Variants in SNX29 observed in about 807,000 individuals in gnomAD.
SNX29 encodes sorting nexin-29.
A neutral mutation model predicts 102.1 loss-of-function variants in SNX29; 78 were observed. The observed-to-expected ratio is 0.76, with a 90% CI of 0.64 to 0.92. The LOEUF is 0.92. Ranked by LOEUF, SNX29 falls within the 40% of genes least tolerant of loss-of-function variation. The pLI, the probability that SNX29 is intolerant of heterozygous loss-of-function variation, is 0.00. For synonymous variants in SNX29, 580 were observed against 414.5 expected (o/e 1.40, Z -4.85); for missense variants, 1,280 against 1,061.7 (o/e 1.21, Z -2.86).
chr16:12,522,001 C>T (rs529945812), intron 19 of SNX29, among the ~76,000 whole-genome samples: 3 of 152,284 alleles, frequency 2.0e-5, no homozygotes, highest in Admixed American at 6.5e-5. Flanking sequence ...CCACCGAGGC[C>T]GCTCATCGGA....
In SNX29 at chr16:12,570,168, C is replaced by T. The variant is rs1168187957; in HGVS notation, c.*1539C>T. On this transcript the variant is annotated 3_prime_UTR_variant, in exon 21 of 21. Coordinates refer to ENST00000566228, the MANE Select transcript of SNX29 (RefSeq NM_032167.5). ...TCACTCACACACAGCGCCCCCCCACCCCAGAGAAACCGAGTCAGCCTACAT... is the reference window on the plus strand; with the variant it reads ...TCACTCACACACAGCGCCCCCCCACTCCAGAGAAACCGAGTCAGCCTACAT... 1.9e-6 allele frequency: 2 copies of T among 1,065,330 alleles called. No homozygotes were observed. The highest frequency in any genetic ancestry group is 2.3e-6 in the Non-Finnish European group (2 of 879,198). The allele number at this position is 1,065,330 out of a possible 1,614,324, so 66.0% of individuals were successfully genotyped here.
At chr16:12,158,240 C>T (rs2141644210) in intron 13 of SNX29, among the ~76,000 whole-genome samples, 1 of 152,208 alleles carries the variant, frequency 6.6e-6, no homozygotes, top group East Asian at 1.9e-4. Flanking sequence ...CGCTCTGGCA[C>T]CCAGGCTGGA....
chr16:12,375,757 G>A (rs2082848486), intron 16 of SNX29: 1 of 152,226 alleles, frequency 6.6e-6, no homozygotes, highest in African/African-American at 2.4e-5. Context: ...TTCTGGCCGG[G>A]AGCAGTGGCT....
intron 19 of SNX29, among the ~76,000 whole-genome samples, chr16:12,516,582 C>A (rs1240762467): frequency 6.6e-6 from 1 of 151,980 alleles, no homozygotes; most frequent in Admixed American, 6.6e-5. Flanking sequence ...AATTCTCTAG[C>A]CAGTGACAAG....
At chr16:12,086,375 A>T (rs546473061) in intron 11 of SNX29, among the ~76,000 whole-genome samples, 2 of 152,262 alleles carry the variant, frequency 1.3e-5, no homozygotes, top group African/African-American at 4.8e-5. Context: ...GCAGCAGTGG[A>T]CTAGTCATAT....
intron 20 of SNX29, among the ~76,000 whole-genome samples, chr16:12,559,691 C>T (rs531977425): frequency 9.9e-5 from 15 of 152,194 alleles, no homozygotes; most frequent in South Asian, 2.1e-4. Flanking sequence ...AGTAACTTCT[C>T]GAGCTTCCCA....
chr16:12,553,885 C>G (rs1031675578), intron 20 of SNX29, among the ~76,000 whole-genome samples: 6 of 152,002 alleles, frequency 3.9e-5, no homozygotes, highest in Admixed American at 1.3e-4. Flanking sequence ...ACTCTTTTGC[C>G]TAGGCTGGAG....
intron 20 of SNX29, among the ~76,000 whole-genome samples, chr16:12,530,036 C>A: frequency 6.6e-6 from 1 of 152,202 alleles, no homozygotes; most frequent in South Asian, 2.1e-4. Flanking sequence ...ATGTGACTTT[C>A]CATGGGCAAG....
chr16:12,093,589 G>C (rs2052648816), intron 11 of SNX29: 1 of 152,244 alleles, frequency 6.6e-6, no homozygotes. Flanking sequence ...CTGGGTGACA[G>C]AGTGAGACCG....
chr16:12,433,058 T>G (rs1190441525), intron 18 of SNX29, among the ~76,000 whole-genome samples: 1 of 152,132 alleles, frequency 6.6e-6, no homozygotes, highest in Non-Finnish European at 1.5e-5. Flanking sequence ...GGTTCCTGAG[T>G]GGAAGGAGCC....
At chr16:11,977,810 A>G (rs1431551367) in intron 1 of SNX29, 1 of 152,086 alleles carries the variant, frequency 6.6e-6, no homozygotes, top group African/African-American at 2.4e-5. Flanking sequence ...GTATGTGGAG[A>G]TGGGAGTGAC....
In SNX29 at chr16:12,098,764, C is replaced by T. The variant is rs1292972333; in HGVS notation, c.1402+19849C>T. Reference sequence around the variant, plus strand: ...GCTGGTTGGAAAACAGAGCTTTGAACCTGTGGGAAGGTGGGCTTACAAAAC... The same window carrying T: ...GCTGGTTGGAAAACAGAGCTTTGAATCTGTGGGAAGGTGGGCTTACAAAAC... On this transcript the variant is annotated intron_variant, in intron 11 of 20. Coordinates refer to ENST00000566228, the MANE Select transcript of SNX29 (RefSeq NM_032167.5). The surrounding 1 kb of genome is among the most constrained non-coding windows in gnomAD (Gnocchi z 6.0). 6.6e-6 allele frequency among the ~76,000 whole-genome samples: 1 copy of T among 152,176 alleles called. No homozygotes were observed. Among genetic ancestry groups the T allele is most frequent in the Non-Finnish European group, 1.5e-5 (1 of 68,028 alleles).
intron 19 of SNX29, among the ~76,000 whole-genome samples, chr16:12,520,706 C>T (rs1417026459): frequency 2.0e-5 from 3 of 152,258 alleles, no homozygotes; most frequent in South Asian, 4.1e-4. Context: ...AATGGAAAAC[C>T]GAATCCCGTG....
intron 18 of SNX29, among the ~76,000 whole-genome samples, chr16:12,420,380 CT>C (rs140261538): frequency 0.011 from 1,734 of 152,284 alleles, 41 homozygotes; most frequent in African/African-American, 0.039. Context: ...AAGATAATGC[CT>C]GTCTCAGAAT....
At chr16:12,089,847 C>G in intron 11 of SNX29, 1 of 401,142 alleles carries the variant, frequency 2.5e-6, no homozygotes, top group South Asian at 1.8e-5. Context: ...CCGTCCTTCA[C>G]TGCTCCTTCC....
chr16:11,978,325 G>A (rs1034862688), intron 1 of SNX29, among the ~76,000 whole-genome samples: 2 of 152,190 alleles, frequency 1.3e-5, no homozygotes, highest in Admixed American at 6.5e-5. Context: ...GTAAGTGCAG[G>A]CCCTGAGGCC....
intron 9 of SNX29, among the ~76,000 whole-genome samples, chr16:12,064,575 A>G (rs1018659196): frequency 1.3e-5 from 2 of 152,238 alleles, no homozygotes; most frequent in African/African-American, 2.4e-5. Context: ...GGGACAGCCC[A>G]GGGGCTGCGC....
chr16:12,545,882 C>T (rs1470888101), intron 20 of SNX29, among the ~76,000 whole-genome samples: 1 of 152,186 alleles, frequency 6.6e-6, no homozygotes, highest in East Asian at 1.9e-4. Context: ...AAGCCGTGGG[C>T]ATTGGGGTGG....
At chr16:12,432,745 A>G (rs1189458516) in intron 18 of SNX29, among the ~76,000 whole-genome samples, 1 of 152,208 alleles carries the variant, frequency 6.6e-6, no homozygotes, top group Non-Finnish European at 1.5e-5. Context: ...AGGGAAAAAA[A>G]GTTGACGAGA....
Sources: gnomAD v4.1 joint callset for allele counts (sites outside exome capture counted in the v4.1 genomes callset) on GRCh38, gnomAD v4.1.1 for gene constraint, Gnocchi (gnomAD v3.1) non-coding constraint, MANE v1.5 for transcripts, NCBI Gene and HGNC (gene_info 2026-07-23, HGNC 2026-07-21) for gene names.